WWOX: variants seen among roughly 807,000 people sequenced by gnomAD.
The protein encoded by WWOX is WW domain-containing oxidoreductase.
In WWOX, 69 loss-of-function variants were observed where a neutral mutation model predicts 46.2. That is an observed-to-expected ratio of 1.49 (90% CI 1.23 to 1.82). The LOEUF is 1.82. Among genes scored for constraint, WWOX ranks in the 40% most tolerant of loss-of-function variants. WWOX has a pLI of 0.00. For synonymous variants in WWOX, 359 were observed against 202.6 expected, an observed-to-expected ratio of 1.77 and a Z score of -6.56; for missense variants, 919 against 542.6, an observed-to-expected ratio of 1.69 and a Z score of -6.89.
chr16:78,396,940 C>T (rs929061703), intron 6 of WWOX, among the ~76,000 whole-genome samples: 2 of 152,190 alleles, frequency 1.3e-5, no homozygotes, highest in African/African-American at 4.8e-5. Context: ...TTTACTACTC[C>T]TTGGACGGTG....
intron 8 of WWOX, among the ~76,000 whole-genome samples, chr16:78,598,205 C>T (rs1964630779): frequency 6.6e-6 from 1 of 152,086 alleles, no homozygotes; most frequent in African/African-American, 2.4e-5. Flanking sequence ...AAGAAATGAC[C>T]ACTTCTGGCC....
intron 8 of WWOX, among the ~76,000 whole-genome samples, chr16:79,118,189 G>T (rs2049556664): frequency 6.6e-6 from 1 of 152,184 alleles, no homozygotes; most frequent in Non-Finnish European, 1.5e-5. Flanking sequence ...CCATTGAAGG[G>T]TTGTAAGTTT....
rs56067155 is a variant in WWOX, at chr16:78,862,998, T to C, written c.1057-348610T>C. On this transcript the variant is annotated intron_variant, in intron 8 of 8. Transcript: ENST00000566780. ...TTTTTGAGATGGAGTCTTGCTCTGTTGCCAGGGTGGAGTGCAGTGGTGCAA... is the reference window on the plus strand; with the variant it reads ...TTTTTGAGATGGAGTCTTGCTCTGTCGCCAGGGTGGAGTGCAGTGGTGCAA... Among the ~76,000 whole-genome samples, 1,222 of 151,078 alleles carry C rather than the reference T, an allele frequency of 8.1e-3. 20 individuals carry two copies. The highest frequency in any genetic ancestry group is 0.028 in the African/African-American group (1,158 of 41,050).
At chr16:78,500,572 C>A (rs998762598) in intron 8 of WWOX, among the ~76,000 whole-genome samples, 1 of 152,064 alleles carries the variant, frequency 6.6e-6, no homozygotes, top group African/African-American at 2.4e-5. Context: ...CTGGCTGAGG[C>A]TCCAACAGCA....
chr16:78,207,314 A>G (rs2036425115), intron 5 of WWOX, among the ~76,000 whole-genome samples: 1 of 152,184 alleles, frequency 6.6e-6, no homozygotes, highest in Non-Finnish European at 1.5e-5. Flanking sequence ...TACATAAATT[A>G]TTACATATCT....
chr16:78,369,558 C>A (rs2081617984), intron 5 of WWOX, among the ~76,000 whole-genome samples: 2 of 152,302 alleles, frequency 1.3e-5, no homozygotes, highest in Non-Finnish European at 2.9e-5. Context: ...ACAAGTGCAC[C>A]TGCCACAGTA....
chr16:78,935,216 A>C (rs1350017559), intron 8 of WWOX, among the ~76,000 whole-genome samples: 5 of 152,192 alleles, frequency 3.3e-5, no homozygotes, highest in Non-Finnish European at 5.9e-5. Flanking sequence ...AGGATCTAGA[A>C]CTAGAAATAC....
intron 8 of WWOX, among the ~76,000 whole-genome samples, chr16:78,509,485 C>T (rs920174651): frequency 6.6e-6 from 1 of 151,874 alleles, no homozygotes; most frequent in Non-Finnish European, 1.5e-5. Flanking sequence ...CACCTCAATA[C>T]TCCGTAGCCA....
intron 8 of WWOX, among the ~76,000 whole-genome samples, chr16:78,918,455 C>T (rs916614683): frequency 6.6e-6 from 1 of 151,962 alleles, no homozygotes; most frequent in Non-Finnish European, 1.5e-5. Flanking sequence ...TGGACTGTCA[C>T]TTGGTTGTTC....
chr16:79,118,072 G>A (rs544960627), intron 8 of WWOX, among the ~76,000 whole-genome samples: 3 of 152,220 alleles, frequency 2.0e-5, no homozygotes, highest in Non-Finnish European at 4.4e-5. Flanking sequence ...CTGGCTTTCA[G>A]CCTATGTCAG....
At chr16:78,880,268 A>G (rs534653538) in intron 8 of WWOX, among the ~76,000 whole-genome samples, 2 of 152,338 alleles carry the variant, frequency 1.3e-5, no homozygotes, top group Non-Finnish European at 2.9e-5. Flanking sequence ...GGAAACATCT[A>G]AAGGCTATTT....
rs1421058665 is a variant in WWOX, at chr16:78,557,753, T to C, written c.1056+125001T>C. Among the ~76,000 whole-genome samples the C allele has an allele frequency of 2.1e-5, 3 of 145,072 alleles. No individual in the cohort carries two copies. In the East Asian group the frequency reaches 6.1e-4, roughly 30 times the overall value. On this transcript the variant is annotated intron_variant, in intron 8 of 8. Transcript: ENST00000566780. ...CTCTGTTGTCCAAGCTGGAGTGCAGTGGCGCGATGTCAGCTCACTGCAACC... is the reference window on the plus strand; with the variant it reads ...CTCTGTTGTCCAAGCTGGAGTGCAGCGGCGCGATGTCAGCTCACTGCAACC...
At chr16:78,382,404 C>A (rs1195980066) in intron 5 of WWOX, among the ~76,000 whole-genome samples, 2 of 152,200 alleles carry the variant, frequency 1.3e-5, no homozygotes, top group African/African-American at 4.8e-5. Context: ...CACCTGGTCC[C>A]TGAGTGGCCA....
intron 5 of WWOX, among the ~76,000 whole-genome samples, chr16:78,383,182 T>C (rs1336876223): frequency 6.6e-6 from 1 of 151,590 alleles, no homozygotes; most frequent in African/African-American, 2.4e-5. Flanking sequence ...TAATATGAGA[T>C]TTGGGTAGGG....
At chr16:78,920,441 G>C (rs981183472) in intron 8 of WWOX, among the ~76,000 whole-genome samples, 1 of 152,142 alleles carries the variant, frequency 6.6e-6, no homozygotes. Flanking sequence ...AGCCACCTAT[G>C]GTTCTTTGGA....
intron 5 of WWOX, among the ~76,000 whole-genome samples, chr16:78,304,937 C>T (rs939651665): frequency 6.6e-6 from 1 of 151,262 alleles, no homozygotes; most frequent in African/African-American, 2.5e-5. Flanking sequence ...TTCCTCTTTT[C>T]CCTTCTTCCT....
At chr16:78,774,496 T>TTGTGTGTGTG (rs58003207) in intron 8 of WWOX, among the ~76,000 whole-genome samples, 7 of 149,522 alleles carry the variant, frequency 4.7e-5, no homozygotes, top group African/African-American at 1.2e-4. Context: ...CAGACCCATT[T>TTGTGTGTGTG]TGTGTGTGTG....
intron 8 of WWOX, among the ~76,000 whole-genome samples, chr16:78,547,335 A>T (rs1175849411): frequency 6.6e-6 from 1 of 152,044 alleles, no homozygotes; most frequent in Non-Finnish European, 1.5e-5. Flanking sequence ...CAATTTACAG[A>T]TGAAAAAAAT....
At chr16:78,642,939 GTAA>G (rs1015436079) in intron 8 of WWOX, among the ~76,000 whole-genome samples, 9 of 152,196 alleles carry the variant, frequency 5.9e-5, no homozygotes, top group Non-Finnish European at 7.3e-5. Context: ...GCTTATAATA[GTAA>G]TAATAAGACC....
Sources: allele counts gnomAD v4.1 joint callset (sites outside exome capture counted in the v4.1 genomes callset), GRCh38; gene constraint gnomAD v4.1.1; transcripts MANE v1.5; gene names NCBI Gene and HGNC (gene_info 2026-07-23, HGNC 2026-07-21).